SNW1: variants seen among roughly 807,000 people sequenced by gnomAD.
The protein encoded by SNW1 is SNW domain-containing protein 1.
SNW1 carries 9 observed loss-of-function variants against 75.6 expected under a neutral mutation model. That is an observed-to-expected ratio of 0.12 (90% CI 0.07 to 0.21). SNW1 has a LOEUF of 0.21. Ranked by LOEUF, SNW1 falls within the 10% of genes least tolerant of loss-of-function variation. The pLI, the probability that SNW1 is intolerant of heterozygous loss-of-function variation, is 1.00. For missense variants in SNW1, 409 were observed against 670.9 expected, an observed-to-expected ratio of 0.61 and a Z score of 4.31; for synonymous variants, 200 against 219.1, an observed-to-expected ratio of 0.91 and a Z score of 0.77.
At chr14:77,746,427 G>A (rs1283606469) in intron 3 of SNW1, among the ~76,000 whole-genome samples, 5 of 151,774 alleles carry the variant, frequency 3.3e-5, no homozygotes, top group African/African-American at 7.2e-5. Context: ...AAATAAGATC[G>A]TTCACAGAGA....
intron 10 of SNW1, among the ~76,000 whole-genome samples, chr14:77,729,888 T>C (rs2080615692): frequency 6.6e-6 from 1 of 152,218 alleles, no homozygotes; most frequent in Non-Finnish European, 1.5e-5. Flanking sequence ...CCTTTTCACT[T>C]GTAGTAAAAG....
intron 1 of SNW1, among the ~76,000 whole-genome samples, chr14:77,758,128 G>C (rs990524278): frequency 6.6e-6 from 1 of 151,866 alleles, no homozygotes; most frequent in African/African-American, 2.4e-5. Context: ...CCAGGAGTTC[G>C]AGACCAGCCA....
chr14:77,759,965 A>T (rs1428446091), intron 1 of SNW1, among the ~76,000 whole-genome samples: 1 of 148,720 alleles, frequency 6.7e-6, no homozygotes, highest in African/African-American at 2.5e-5. Flanking sequence ...AAATAAAGTT[A>T]AAAAAAAAAG....
At chr14:77,736,894 CTTCT>C in intron 6 of SNW1, 73 bp downstream of exon 6, 1 of 1,095,680 alleles carries the variant, frequency 9.1e-7, no homozygotes, top group South Asian at 1.3e-5. Context: ...TTTTGCCTGG[CTTCT>C]TTCACTCAGC....
chr14:77,751,586 T>C, intron 2 of SNW1, 106 bp from the exon 3 acceptor site: 1 of 832,864 alleles, frequency 1.2e-6, no homozygotes, highest in South Asian at 2.2e-5. Context: ...TGCTAGATGC[T>C]AGAGATACAG....
chr14:77,751,805 GACACACACACACACACAC>G (rs61135876), intron 2 of SNW1, among the ~76,000 whole-genome samples: 3 of 139,458 alleles, frequency 2.2e-5, no homozygotes, highest in Admixed American at 7.5e-5. Context: ...GTCATGGGAA[GACACACACACACACACAC>G]ACACACACAC....
At chr14:77,750,224 T>C (rs756398513) in intron 3 of SNW1, among the ~76,000 whole-genome samples, 27 of 151,408 alleles carry the variant, frequency 1.8e-4, no homozygotes, top group Non-Finnish European at 3.1e-4. Context: ...AAAAATAAAA[T>C]AAAAAAAGAT....
At chr14:77,740,879 C>G (rs1353878185) in intron 3 of SNW1, among the ~76,000 whole-genome samples, 1 of 151,216 alleles carries the variant, frequency 6.6e-6, no homozygotes, top group African/African-American at 2.4e-5. Context: ...GGTGGATCAC[C>G]TGAGGTCAGG....
chr14:77,727,631 T>G (rs2080596062), intron 10 of SNW1, among the ~76,000 whole-genome samples: 1 of 152,242 alleles, frequency 6.6e-6, no homozygotes, highest in South Asian at 2.1e-4. Context: ...TTTTTCAGTT[T>G]CTACTGAAAT....
intron 1 of SNW1, among the ~76,000 whole-genome samples, chr14:77,757,740 C>T (rs2080852340): frequency 6.6e-6 from 1 of 152,156 alleles, no homozygotes; most frequent in African/African-American, 2.4e-5. Flanking sequence ...TCTTTCATCC[C>T]TAATGCTCCA....
rs1283934968 is a variant in SNW1, at chr14:77,717,974, G to A, written c.*114C>T. On this transcript the variant is annotated 3_prime_UTR_variant, in exon 14 of 14. Coordinates refer to ENST00000261531, the MANE Select transcript of SNW1 (RefSeq NM_012245.3). The stretch of plus-strand genomic sequence containing the variant: ...TCTCCAGTAATAAAAAGTAGTGCTG[G>A]GATCTGGCACCCAGATTTGGTTTTT... 1.1e-6 allele frequency: 1 copy of A among 892,618 alleles called. No individual in the cohort carries two copies. Among genetic ancestry groups the A allele is most frequent in the Non-Finnish European group, 1.7e-6 (1 of 587,960 alleles). 55.3% of individuals were successfully genotyped at this position (892,618 alleles called of 1,614,324 possible).
chr14:77,722,089 C>T (rs2080545850), intron 11 of SNW1, among the ~76,000 whole-genome samples: 1 of 152,106 alleles, frequency 6.6e-6, no homozygotes, highest in Non-Finnish European at 1.5e-5. Context: ...ATGTATTAGG[C>T]TCATGGGATG....
intron 11 of SNW1, 119 bp downstream of exon 11, chr14:77,723,062 T>C: frequency 1.3e-6 from 1 of 756,332 alleles, no homozygotes; most frequent in South Asian, 1.4e-5. Flanking sequence ...TTAGCCAGGA[T>C]GGTCTCGATC....
intron 3 of SNW1, among the ~76,000 whole-genome samples, chr14:77,746,890 G>GCTCCCC (rs890906577): frequency 6.6e-6 from 1 of 151,186 alleles, no homozygotes; most frequent in Non-Finnish European, 1.5e-5. Flanking sequence ...TGGAATTATA[G>GCTCCCC]CTCCCCCTCC....
chr14:77,747,249 C>T (rs943400788), intron 3 of SNW1, among the ~76,000 whole-genome samples: 3 of 152,144 alleles, frequency 2.0e-5, no homozygotes, highest in Non-Finnish European at 2.9e-5. Context: ...AGTGCAGTGG[C>T]GTGATCTCGG....
chr14:77,743,259 A>C, intron 3 of SNW1, among the ~76,000 whole-genome samples: 1 of 146,126 alleles, frequency 6.8e-6, no homozygotes, highest in South Asian at 2.1e-4. Flanking sequence ...TTTCATAATT[A>C]GGAAAAAAAA....
intron 1 of SNW1, chr14:77,760,683 G>A (rs757764167): frequency 5.7e-6 from 4 of 702,280 alleles, no homozygotes; most frequent in African/African-American, 1.7e-5. Flanking sequence ...CCAGTGGACA[G>A]CGAAAGGAGA....
At position 77,741,491 on chromosome 14, in the gene SNW1, G is replaced by A. The variant is rs1429005926; in HGVS notation, c.331-2430C>T. ...TCTCCAGCTTGTTTTTCTCAGGAGT[G>A]AGAAGAGGGATCAGGTAAGAAAGCC... On this transcript the variant is annotated intron_variant, in intron 3 of 13. Transcript: ENST00000261531. 4.6e-5 allele frequency among the ~76,000 whole-genome samples: 7 copies of A among 152,142 alleles called. No homozygotes were observed. In the East Asian group the frequency reaches 7.7e-4, roughly 17 times the overall value.
At chr14:77,735,565 G>A (rs956769515) in intron 7 of SNW1, among the ~76,000 whole-genome samples, 2 of 152,194 alleles carry the variant, frequency 1.3e-5, no homozygotes, top group Non-Finnish European at 2.9e-5. Flanking sequence ...TTACAGGCGT[G>A]AGCCACCACG....
Sources: gnomAD v4.1 joint callset for allele counts (sites outside exome capture counted in the v4.1 genomes callset) on GRCh38, gnomAD v4.1.1 for gene constraint, MANE v1.5 for transcripts, NCBI Gene and HGNC (gene_info 2026-07-23, HGNC 2026-07-21) for gene names.